PXDN: variants seen among roughly 807,000 people sequenced by gnomAD.
PXDN encodes the protein peroxidasin.
Under a neutral mutation model 140.3 loss-of-function variants are expected in PXDN, and 77 were observed. The ratio of observed to expected loss-of-function variants is 0.55; its 90% CI spans 0.46 to 0.66. The LOEUF is 0.66. PXDN is among the 30% of genes least tolerant of loss of function. The probability of loss-of-function intolerance (pLI) is 0.00; values close to 1 mark genes in which losing one functional copy is unlikely to be tolerated. For missense variants in PXDN, 1,838 were observed against 2,039.5 expected (o/e 0.90, Z 1.90); for synonymous variants, 911 against 857.4 (o/e 1.06, Z -1.09).
intron 8 of PXDN, among the ~76,000 whole-genome samples, chr2:1,675,369 T>C (rs546442620): frequency 1.3e-4 from 20 of 152,298 alleles, no homozygotes; most frequent in African/African-American, 4.6e-4. Context: ...TTTTCGTATA[T>C]AAAATGTAGG....
intron 3 of PXDN, 46 bp downstream of exon 3, chr2:1,691,882 C>G (rs1396929234): frequency 8.1e-7 from 1 of 1,237,874 alleles, no homozygotes; most frequent in South Asian, 1.5e-5. Context: ...TTTAAGTAAT[C>G]TAGATACCAT....
chr2:1,653,925 C>G, intron 15 of PXDN, 140 bp from the exon 16 acceptor site: 1 of 1,051,458 alleles, frequency 9.5e-7, no homozygotes, highest in Non-Finnish European at 1.3e-6. Context: ...CCTTCCTCAT[C>G]CGAAGTGGGA....
intron 1 of PXDN, among the ~76,000 whole-genome samples, chr2:1,736,380 G>A (rs1266773094): frequency 2.6e-5 from 4 of 152,176 alleles, no homozygotes; most frequent in South Asian, 2.1e-4. Context: ...CTGTGTCTCA[G>A]GGAATAAGGC....
chr2:1,664,892 G>A (rs1683395290), intron 11 of PXDN, 66 bp downstream of exon 11: 10 of 1,353,054 alleles, frequency 7.4e-6, no homozygotes, highest in Non-Finnish European at 1.0e-5. Context: ...TGGGCACAGT[G>A]GAAATGTGTG....
chr2:1,736,839 A>G (rs1312337528), intron 1 of PXDN, among the ~76,000 whole-genome samples: 1 of 152,216 alleles, frequency 6.6e-6, no homozygotes, highest in African/African-American at 2.4e-5. Context: ...TAAAATGTCA[A>G]TTATGTCTGA....
intron 9 of PXDN, chr2:1,669,776 T>A (rs1407611939): frequency 1.3e-5 from 2 of 152,156 alleles, no homozygotes; most frequent in African/African-American, 4.8e-5. Context: ...GAGTCAGAGG[T>A]TGCAGTGAGC....
At chr2:1,684,577 C>T (rs1006471425) in intron 4 of PXDN, among the ~76,000 whole-genome samples, 1 of 152,184 alleles carries the variant, frequency 6.6e-6, no homozygotes, top group African/African-American at 2.4e-5. Flanking sequence ...TTGGCAGGGG[C>T]ATCATCATAT....
chr2:1,654,102 A>G (rs557016210), intron 15 of PXDN: 2 of 476,626 alleles, frequency 4.2e-6, no homozygotes, highest in Non-Finnish European at 7.4e-6. Context: ...CTTTTAAACT[A>G]TTTGTTTTTG....
At chr2:1,654,217 T>C (rs1683077357) in intron 15 of PXDN, among the ~76,000 whole-genome samples, 183 bp downstream of exon 15, 2 of 152,222 alleles carry the variant, frequency 1.3e-5, no homozygotes, top group African/African-American at 4.8e-5. Flanking sequence ...CATCCTTCTG[T>C]TATTTCAACC....
chr2:1,679,980 GGTGT>G (rs1179693317), intron 7 of PXDN, among the ~76,000 whole-genome samples: 1 of 145,032 alleles, frequency 6.9e-6, no homozygotes, highest in Non-Finnish European at 1.5e-5. Context: ...GTCTGTAAAT[GGTGT>G]GTGTGTAAAT....
At position 1,738,954 on chromosome 2, in the gene PXDN, C is replaced by T. The variant is rs535415315; in HGVS notation, c.200+5302G>A. ...CTTAATTTTGAACCCTGGATCTGTG[C>T]CACGGAGGCTGCTGCCCGGACAATG... On this transcript the variant is annotated intron_variant, in intron 1 of 22. Transcript: ENST00000252804. Among the ~76,000 whole-genome samples the T allele has an allele frequency of 3.2e-4, 49 of 152,322 alleles. No homozygotes were observed. The South Asian group carries it at 9.7e-3, about 30-fold the overall frequency.
At chr2:1,715,678 A>G (rs1684877529) in intron 1 of PXDN, among the ~76,000 whole-genome samples, 1 of 152,186 alleles carries the variant, frequency 6.6e-6, no homozygotes, top group Non-Finnish European at 1.5e-5. Flanking sequence ...AACAAGCTGC[A>G]GATGGAAACA....
chr2:1,707,895 C>G (rs531377069), intron 1 of PXDN, among the ~76,000 whole-genome samples: 1 of 152,074 alleles, frequency 6.6e-6, no homozygotes, highest in East Asian at 1.9e-4. Flanking sequence ...ACCACACTTA[C>G]GTCAGCACCC....
chr2:1,647,056 A>C (rs1682864889), intron 17 of PXDN, among the ~76,000 whole-genome samples: 1 of 151,988 alleles, frequency 6.6e-6, no homozygotes, highest in Non-Finnish European at 1.5e-5. Flanking sequence ...CACCACGCCC[A>C]GCTAATTTTT....
At chr2:1,646,254 G>A (rs1682848596) in intron 17 of PXDN, 1 of 152,246 alleles carries the variant, frequency 6.6e-6, no homozygotes, top group African/African-American at 2.4e-5. Flanking sequence ...GGCTCAGTGT[G>A]TGGGTAACAT....
At chr2:1,652,889 C>G (rs1683046112) in intron 16 of PXDN, among the ~76,000 whole-genome samples, 1 of 152,026 alleles carries the variant, frequency 6.6e-6, no homozygotes, top group Non-Finnish European at 1.5e-5. Flanking sequence ...GCAGTTCTTT[C>G]ATCCCACAGG....
intron 1 of PXDN, among the ~76,000 whole-genome samples, chr2:1,723,941 C>T (rs1048122596): frequency 1.4e-4 from 22 of 152,222 alleles, no homozygotes; most frequent in Admixed American, 2.6e-4. Flanking sequence ...AAGTGTTGCT[C>T]TGCTGGTTAT....
At chr2:1,736,914 CCTT>C (rs1445069009) in intron 1 of PXDN, among the ~76,000 whole-genome samples, 1 of 152,200 alleles carries the variant, frequency 6.6e-6, no homozygotes, top group Non-Finnish European at 1.5e-5. Flanking sequence ...TCAAGCCTCT[CCTT>C]CTGATTTAAC....
In PXDN at chr2:1,744,350, A is replaced by G; in HGVS notation, c.106T>C (p.Cys36Arg). Residue 36 changes from cysteine to arginine, a missense_variant, in exon 1 of 23, where the codon TGT becomes CGT. This residue lies in a region of PXDN where 231 missense variants were observed against 201.5 expected (regional missense o/e 1.15). Coordinates refer to ENST00000252804, the MANE Select transcript of PXDN (RefSeq NM_012293.3). ...AVVAQKPGAG[C>R]PSRCLCFRTT... Reference sequence around the variant, plus strand: ...CGGAAGCACAGGCAGCGGCTCGGACACCCTGCGCCCGGCTTCTGGGCCACC... The same window carrying G: ...CGGAAGCACAGGCAGCGGCTCGGACGCCCTGCGCCCGGCTTCTGGGCCACC... The G allele has an allele frequency of 6.5e-7, 1 of 1,527,140 alleles. No individual in the cohort carries two copies. The highest frequency in any genetic ancestry group is 8.7e-7 in the Non-Finnish European group (1 of 1,143,542). 94.6% of individuals were successfully genotyped at this position (1,527,140 alleles called of 1,614,324 possible).
Sources: allele counts gnomAD v4.1 joint callset (sites outside exome capture counted in the v4.1 genomes callset), GRCh38; gene constraint gnomAD v4.1.1; regional missense constraint gnomAD v4.1.1; transcripts MANE v1.5; gene names NCBI Gene and HGNC (gene_info 2026-07-23, HGNC 2026-07-21).